HOOK3: variants seen among roughly 807,000 people sequenced by gnomAD.
HOOK3 encodes hook microtubule tethering protein 3.
Under a neutral mutation model 116.3 loss-of-function variants are expected in HOOK3, and 24 were observed. The observed-to-expected ratio is 0.21, with a 90% CI of 0.15 to 0.29. The LOEUF is 0.29. HOOK3 is among the 10% of genes least tolerant of loss of function. The pLI is 1.00. For synonymous variants in HOOK3, 275 were observed against 283.0 expected, an observed-to-expected ratio of 0.97 and a Z score of 0.28; for missense variants, 632 against 830.2, an observed-to-expected ratio of 0.76 and a Z score of 2.93.
At chr8:42,956,861 C>T (rs1006262088) in intron 6 of HOOK3, among the ~76,000 whole-genome samples, 39 of 152,168 alleles carry the variant, frequency 2.6e-4, no homozygotes, top group Non-Finnish European at 2.6e-4. Context: ...GGATTACAGG[C>T]GTGAGCCACC....
intron 4 of HOOK3, among the ~76,000 whole-genome samples, chr8:42,935,770 A>G (rs1477106812): frequency 6.6e-6 from 1 of 152,160 alleles, no homozygotes; most frequent in Non-Finnish European, 1.5e-5. Flanking sequence ...TGGTACCAGT[A>G]CCATGCTGTT....
intron 4 of HOOK3, among the ~76,000 whole-genome samples, chr8:42,940,880 G>A (rs945247074): frequency 7.2e-5 from 11 of 152,092 alleles, no homozygotes; most frequent in Admixed American, 5.2e-4. Flanking sequence ...TCGGTTTCAG[G>A]TACACCAATC....
intron 11 of HOOK3, among the ~76,000 whole-genome samples, chr8:42,970,070 T>TTGGA (rs1808699755): frequency 6.6e-6 from 1 of 152,202 alleles, no homozygotes; most frequent in Non-Finnish European, 1.5e-5. Context: ...GTTTTGCACA[T>TTGGA]TTAGGTATTT....
chr8:42,940,680 C>T (rs971309914), intron 4 of HOOK3, among the ~76,000 whole-genome samples: 1 of 152,202 alleles, frequency 6.6e-6, no homozygotes, highest in Non-Finnish European at 1.5e-5. Context: ...ATGCCCTTAA[C>T]ATTTTTTTCT....
Position 43,026,354 on chromosome 8 carries a change from C to T in HOOK3, c.*7856C>T, listed in dbSNP as rs909136723. ...TTACTGCAAAATTTGTAGCACTTTACTAATATTAGATCATTATTTTCCCTC... is the reference window on the plus strand; with the variant it reads ...TTACTGCAAAATTTGTAGCACTTTATTAATATTAGATCATTATTTTCCCTC... On this transcript the variant is annotated 3_prime_UTR_variant, in exon 22 of 22. Coordinates refer to ENST00000307602, the MANE Select transcript of HOOK3 (RefSeq NM_032410.4). 1.5e-5 allele frequency: 3 copies of T among 195,538 alleles called. No homozygotes were observed. Among genetic ancestry groups the T allele is most frequent in the South Asian group, 1.9e-4 (1 of 5,200 alleles). 12.1% of individuals were successfully genotyped at this position (195,538 alleles called of 1,614,324 possible).
Position 43,026,255 on chromosome 8 carries a change from T to A in HOOK3, c.*7757T>A. ...TCTATAGTGTGTGTATTTTATTTAG[T>A]GTCTTAATATATAGTCTTTATATAG... On this transcript the variant is annotated 3_prime_UTR_variant, in exon 22 of 22. Transcript: ENST00000307602. 1 of 198,278 alleles carries A rather than the reference T, an allele frequency of 5.0e-6. No homozygotes were observed. Among genetic ancestry groups the A allele is most frequent in the Non-Finnish European group, 1.0e-5 (1 of 95,954 alleles). The allele number at this position is 198,278 out of a possible 1,614,324, so 12.3% of individuals were successfully genotyped here.
rs1437549448 is a variant in HOOK3 at position 43,021,266 on chromosome 8, TGGAAAGGCCCCAGGCTTTTA to T, written c.*2770_*2789del. The T allele has an allele frequency of 7.3e-5, 15 of 204,464 alleles. No individual in the cohort carries two copies. Among genetic ancestry groups the T allele is most frequent in the Admixed American group, 4.8e-4 (8 of 16,718 alleles). 12.7% of individuals were successfully genotyped at this position (204,464 alleles called of 1,614,324 possible). A position where few individuals can be genotyped will look rare whatever the true frequency, so the allele number is the denominator to read the frequency against. ...CCAGATATTTTTTCTCTATCTGGGT[TGGAAAGGCCCCAGGCTTTTA>T]GAGGGGAGTTTTACTTCTGACTTTT... is the stretch of plus-strand genomic sequence containing the variant. On this transcript the variant is annotated 3_prime_UTR_variant, in exon 22 of 22. Transcript: ENST00000307602.
At chr8:42,938,224 T>A (rs1808012086) in intron 4 of HOOK3, among the ~76,000 whole-genome samples, 2 of 151,646 alleles carry the variant, frequency 1.3e-5, no homozygotes, top group African/African-American at 4.9e-5. Flanking sequence ...CTGCTTTTTT[T>A]TTTTTTTTGC....
At chr8:42,937,178 G>C (rs1807988198) in intron 4 of HOOK3, among the ~76,000 whole-genome samples, 1 of 152,114 alleles carries the variant, frequency 6.6e-6, no homozygotes, top group Admixed American at 6.6e-5. Flanking sequence ...TTTGCATAGA[G>C]GTGTTTACAG....
intron 16 of HOOK3, chr8:43,000,407 A>T: frequency 2.1e-6 from 1 of 475,662 alleles, no homozygotes; most frequent in Non-Finnish European, 3.8e-6. Flanking sequence ...TACTTGCCTC[A>T]TAGGTTTAAG....
intron 19 of HOOK3, among the ~76,000 whole-genome samples, chr8:43,012,307 C>T (rs554965025): frequency 6.6e-6 from 1 of 152,260 alleles, no homozygotes; most frequent in South Asian, 2.1e-4. Context: ...TAGGTACAAA[C>T]CTGTACAGCA....
chr8:42,939,457 C>T (rs1483231720), intron 4 of HOOK3, among the ~76,000 whole-genome samples: 9 of 147,368 alleles, frequency 6.1e-5, no homozygotes, highest in African/African-American at 1.2e-4. Context: ...TCCTCACTTC[C>T]CAGTAGGGGC....
intron 1 of HOOK3, among the ~76,000 whole-genome samples, chr8:42,904,721 G>A (rs1039842994): frequency 2.6e-5 from 4 of 152,130 alleles, no homozygotes; most frequent in Non-Finnish European, 5.9e-5. Flanking sequence ...GGTTTTACAT[G>A]TTAATTCTTC....
chr8:43,025,593 G>GT lies in HOOK3; in HGVS notation c.*7096dup, dbSNP rs1247001856. The GT allele has an allele frequency of 4.8e-6, 1 of 210,520 alleles. No homozygotes were observed. The highest frequency in any genetic ancestry group is 9.6e-6 in the Non-Finnish European group (1 of 103,816). 13.0% of individuals were successfully genotyped at this position (210,520 alleles called of 1,614,324 possible). A position where few individuals can be genotyped will look rare whatever the true frequency, so the allele number is the denominator to read the frequency against. On this transcript the variant is annotated 3_prime_UTR_variant, in exon 22 of 22. Coordinates refer to ENST00000307602, the MANE Select transcript of HOOK3 (RefSeq NM_032410.4). ...ATTGAGTATTAACTAGGTGCATAAT[G>GT]TAGTTGTATATGTTTACTAGTAAAG... is the stretch of plus-strand genomic sequence containing the variant.
intron 2 of HOOK3, among the ~76,000 whole-genome samples, chr8:42,920,382 A>C (rs1034496196): frequency 3.3e-5 from 5 of 152,230 alleles, no homozygotes; most frequent in Admixed American, 3.3e-4. Flanking sequence ...TATGGCTTCA[A>C]AGTTTACCAG....
intron 4 of HOOK3, among the ~76,000 whole-genome samples, chr8:42,940,106 C>T (rs562433104): frequency 2.9e-4 from 44 of 152,376 alleles, no homozygotes; most frequent in African/African-American, 9.1e-4. Context: ...GCTGCAATCT[C>T]GGCACTTTGG....
At chr8:42,928,683 A>C (rs1807816971) in intron 3 of HOOK3, among the ~76,000 whole-genome samples, 1 of 152,194 alleles carries the variant, frequency 6.6e-6, no homozygotes, top group African/African-American at 2.4e-5. Context: ...CTTAATATTC[A>C]GGACTGAACT....
chr8:42,928,641 A>G (rs1481164033), intron 3 of HOOK3, among the ~76,000 whole-genome samples: 1 of 152,190 alleles, frequency 6.6e-6, no homozygotes, highest in Non-Finnish European at 1.5e-5. Flanking sequence ...CAGTGGTAGT[A>G]TATGGAGATG....
At chr8:42,987,704 C>CA (rs1393542975) in intron 15 of HOOK3, among the ~76,000 whole-genome samples, 1 of 152,214 alleles carries the variant, frequency 6.6e-6, no homozygotes, top group East Asian at 1.9e-4. Flanking sequence ...GCTATTCACT[C>CA]AAAGTCAGTC....
Sources: allele counts gnomAD v4.1 joint callset (sites outside exome capture counted in the v4.1 genomes callset), GRCh38; gene constraint gnomAD v4.1.1; transcripts MANE v1.5; gene names NCBI Gene and HGNC (gene_info 2026-07-23, HGNC 2026-07-21).